The following VPS13B variants were observed in gnomAD, a reference collection of about 807,000 sequenced individuals.
VPS13B encodes the protein intermembrane lipid transfer protein VPS13B.
A neutral mutation model predicts 426.4 loss-of-function variants in VPS13B; 285 were observed. That is an observed-to-expected ratio of 0.67 (90% CI 0.61 to 0.74). VPS13B has a LOEUF of 0.74. Ranked by LOEUF, VPS13B falls within the 30% of genes least tolerant of loss-of-function variation. The probability of loss-of-function intolerance (pLI) is 0.00; values close to 1 mark genes in which losing one functional copy is unlikely to be tolerated. For synonymous variants in VPS13B, 1,676 were observed against 1,676.4 expected, an observed-to-expected ratio of 1.00 and a Z score of 0.01; for missense variants, 4,537 against 4,782.6, an observed-to-expected ratio of 0.95 and a Z score of 1.51.
intron 19 of VPS13B, among the ~76,000 whole-genome samples, chr8:99,349,206 G>A (rs1002907095): frequency 6.1e-5 from 9 of 147,364 alleles, no homozygotes; most frequent in Non-Finnish European, 1.1e-4. Context: ...AGTGGCGGGC[G>A]CCTGTAGTCC....
chr8:99,861,635 T>A, intron 57 of VPS13B, 141 bp from the exon 58 acceptor site: 1 of 1,107,040 alleles, frequency 9.0e-7, no homozygotes, highest in Non-Finnish European at 1.3e-6. Context: ...TTCTTCAAAT[T>A]GCCTGAGAGG....
At chr8:99,447,931 C>G (rs541651549) in intron 23 of VPS13B, among the ~76,000 whole-genome samples, 1 of 151,516 alleles carries the variant, frequency 6.6e-6, no homozygotes, top group South Asian at 2.1e-4. Flanking sequence ...ATTCTTTATA[C>G]CTTCAATACT....
chr8:99,316,688 G>GTT (rs1454776384), intron 19 of VPS13B, among the ~76,000 whole-genome samples: 1 of 152,060 alleles, frequency 6.6e-6, no homozygotes, highest in African/African-American at 2.4e-5. Flanking sequence ...CCTTTCTTGT[G>GTT]TTTTTTCTCA....
chr8:99,307,535 T>C (rs965862822), intron 19 of VPS13B, among the ~76,000 whole-genome samples: 1 of 152,040 alleles, frequency 6.6e-6, no homozygotes, highest in Admixed American at 6.6e-5. Flanking sequence ...CTGAGTCCCT[T>C]TTGGTTTGTT....
In VPS13B at chr8:99,520,944, C is replaced by T. The variant is rs1449144826; in HGVS notation, c.4679C>T (p.Ser1560Phe). 5 of 1,613,838 alleles carry T rather than the reference C, an allele frequency of 3.1e-6. No homozygotes were observed. Among genetic ancestry groups the T allele is most frequent in the Non-Finnish European group, 4.2e-6 (5 of 1,179,780 alleles). Reference protein sequence around the residue: ...KEDTVVLKIGSVAMAPQADNP... With the variant: ...KEDTVVLKIGFVAMAPQADNP... ...GACACTGTGGTTTTGAAGATTGGCT[C>T]TGTTGCCATGGCTCCCCAGGCTGAC... Residue 1560 changes from serine to phenylalanine, a missense_variant, in exon 30 of 62, where the codon TCT becomes TTT. By Grantham distance (155) the Ser-to-Phe change is radical. Transcript: ENST00000357162.
intron 34 of VPS13B, among the ~76,000 whole-genome samples, chr8:99,652,362 C>T (rs924030408): frequency 4.6e-5 from 7 of 151,956 alleles, no homozygotes; most frequent in South Asian, 4.2e-4. Context: ...ACAATGTATG[C>T]GAAGTTCTTA....
At chr8:99,345,749 G>C (rs1167007363) in intron 19 of VPS13B, among the ~76,000 whole-genome samples, 1 of 152,062 alleles carries the variant, frequency 6.6e-6, no homozygotes, top group African/African-American at 2.4e-5. Flanking sequence ...TTCTTTAGGT[G>C]GTAGTCTTGT....
At chr8:99,364,222 T>C (rs879521921) in intron 19 of VPS13B, among the ~76,000 whole-genome samples, 3 of 152,238 alleles carry the variant, frequency 2.0e-5, no homozygotes, top group Non-Finnish European at 4.4e-5. Flanking sequence ...GAAATGATCA[T>C]ATGGTTTTCT....
intron 3 of VPS13B, among the ~76,000 whole-genome samples, chr8:99,086,486 G>T (rs976734420): frequency 2.4e-4 from 37 of 152,150 alleles, no homozygotes; most frequent in African/African-American, 8.7e-4. Flanking sequence ...GTCCAGCTTT[G>T]TTCCATTGCT....
At chr8:99,219,384 A>G (rs1815562254) in intron 17 of VPS13B, among the ~76,000 whole-genome samples, 1 of 152,212 alleles carries the variant, frequency 6.6e-6, no homozygotes, top group Non-Finnish European at 1.5e-5. Flanking sequence ...TTCATGTATC[A>G]AAGGCCCCAT....
intron 34 of VPS13B, among the ~76,000 whole-genome samples, chr8:99,649,625 T>C (rs967481807): frequency 3.4e-5 from 5 of 146,326 alleles, no homozygotes; most frequent in Non-Finnish European, 6.1e-5. Flanking sequence ...CCCCTCTACA[T>C]ACACACACAC....
intron 33 of VPS13B, among the ~76,000 whole-genome samples, chr8:99,615,145 A>T (rs1002591892): frequency 6.7e-6 from 1 of 150,308 alleles, no homozygotes; most frequent in Non-Finnish European, 1.5e-5. Context: ...AAAAAAATTT[A>T]CTTGCCAAAA....
intron 2 of VPS13B, among the ~76,000 whole-genome samples, chr8:99,021,890 G>A (rs1252756338): frequency 1.3e-5 from 2 of 152,154 alleles, no homozygotes; most frequent in African/African-American, 4.8e-5. Flanking sequence ...TGGGATTACA[G>A]GCGTGAGCCC....
chr8:99,434,095 A>C (rs577747178), intron 22 of VPS13B, among the ~76,000 whole-genome samples: 2 of 152,338 alleles, frequency 1.3e-5, no homozygotes, highest in African/African-American at 4.8e-5. Flanking sequence ...GGTGTGAGCC[A>C]CTGCACTCAG....
At chr8:99,576,309 A>G (rs981572019) in intron 32 of VPS13B, among the ~76,000 whole-genome samples, 7 of 152,186 alleles carry the variant, frequency 4.6e-5, no homozygotes, top group Non-Finnish European at 1.0e-4. Flanking sequence ...CACAGGATGT[A>G]TGCCACCAAT....
intron 56 of VPS13B, among the ~76,000 whole-genome samples, 192 bp downstream of exon 56, chr8:99,854,448 T>C (rs546293114): frequency 1.3e-5 from 2 of 152,340 alleles, no homozygotes; most frequent in Non-Finnish European, 2.9e-5. Context: ...GGGCAAGTTA[T>C]TGAACCTTCC....
chr8:99,841,978 T>C lies in VPS13B; in HGVS notation c.9942+6240T>C, dbSNP rs377420505. ...AGGTTGCTTAAAACAGACCTCCACC[T>C]GAGACCAATCAGGCCCCGTCTCACT... is the stretch of plus-strand genomic sequence containing the variant. On this transcript the variant is annotated intron_variant, in intron 54 of 61. Coordinates refer to ENST00000357162, the MANE Select transcript of VPS13B (RefSeq NM_152564.5). Among the ~76,000 whole-genome samples, 12 of 152,260 alleles carry C rather than the reference T, an allele frequency of 7.9e-5. 1 individual carries two copies. Among genetic ancestry groups the C allele is most frequent in the African/African-American group, 2.9e-4 (12 of 41,550 alleles).
intron 19 of VPS13B, among the ~76,000 whole-genome samples, chr8:99,337,420 G>A (rs919187147): frequency 2.6e-5 from 4 of 151,250 alleles, no homozygotes; most frequent in Non-Finnish European, 4.4e-5. Flanking sequence ...GCTAAATGAC[G>A]AGTTAATGGG....
At chr8:99,750,066 T>A (rs1007014152) in intron 39 of VPS13B, among the ~76,000 whole-genome samples, 3 of 152,182 alleles carry the variant, frequency 2.0e-5, no homozygotes, top group African/African-American at 7.2e-5. Flanking sequence ...TGGTTTGCAA[T>A]AATTACATTT....
Sources: allele counts gnomAD v4.1 joint callset (sites outside exome capture counted in the v4.1 genomes callset), GRCh38; gene constraint gnomAD v4.1.1; transcripts MANE v1.5; gene names NCBI Gene and HGNC (gene_info 2026-07-23, HGNC 2026-07-21).